Variants in LEKR1 observed in about 807,000 individuals in gnomAD.
LEKR1 encodes protein LEKR1.
LEKR1 carries 59 observed loss-of-function variants against 72.4 expected under a neutral mutation model. That is an observed-to-expected ratio of 0.82 (90% CI 0.66 to 1.01). The LOEUF (loss-of-function observed/expected upper bound fraction) is 1.01, where lower values mean the gene tolerates loss of function less well. Among genes scored for constraint, LEKR1 ranks in the 50% least tolerant of loss-of-function variants. The probability of loss-of-function intolerance (pLI) is 0.00; values close to 1 mark genes in which losing one functional copy is unlikely to be tolerated. For missense variants in LEKR1, 728 were observed against 759.2 expected (o/e 0.96, Z 0.48); for synonymous variants, 257 against 263.2 (o/e 0.98, Z 0.23).
chr3:156,885,466 C>A (rs1330744913), intron 3 of LEKR1, among the ~76,000 whole-genome samples: 1 of 152,202 alleles, frequency 6.6e-6, no homozygotes, highest in African/African-American at 2.4e-5. Context: ...CCTCCTGTCC[C>A]ATGGGATGAT....
chr3:156,978,714 G>A (rs1174463600), intron 6 of LEKR1, among the ~76,000 whole-genome samples: 1 of 152,070 alleles, frequency 6.6e-6, no homozygotes, highest in African/African-American at 2.4e-5. Context: ...CCTTTTAGAT[G>A]CTACCCAGAG....
intron 12 of LEKR1, among the ~76,000 whole-genome samples, chr3:157,031,897 G>C (rs982702505): frequency 6.6e-6 from 1 of 152,144 alleles, no homozygotes; most frequent in African/African-American, 2.4e-5. Context: ...TTCCTAAGTG[G>C]AGCAGGGATT....
chr3:156,978,109 C>T (rs1729862446), intron 6 of LEKR1, among the ~76,000 whole-genome samples: 1 of 152,012 alleles, frequency 6.6e-6, no homozygotes, highest in Admixed American at 6.6e-5. Context: ...AACAAGAAAA[C>T]ATGTAAACTA....
At chr3:156,906,836 G>C (rs1339050280) in intron 3 of LEKR1, among the ~76,000 whole-genome samples, 1 of 152,094 alleles carries the variant, frequency 6.6e-6, no homozygotes, top group Admixed American at 6.6e-5. Flanking sequence ...ACCTTGGAAA[G>C]TGTTTCAATG....
At chr3:156,841,889 G>A (rs62273922) in intron 2 of LEKR1, among the ~76,000 whole-genome samples, 4,839 of 152,160 alleles carry the variant, frequency 0.032, 117 homozygotes, top group Non-Finnish European at 0.047. Flanking sequence ...ACCCCTGGCC[G>A]CTGACTAGTA....
chr3:156,902,412 T>G (rs1576785482), intron 3 of LEKR1, among the ~76,000 whole-genome samples: 1 of 152,126 alleles, frequency 6.6e-6, no homozygotes, highest in East Asian at 1.9e-4. Context: ...AGAAAAATAT[T>G]TAAAAGCTGA....
intron 3 of LEKR1, among the ~76,000 whole-genome samples, chr3:156,915,458 G>T (rs1372851701): frequency 1.3e-5 from 2 of 151,452 alleles, no homozygotes; most frequent in Non-Finnish European, 2.9e-5. Flanking sequence ...ATTCTGACTG[G>T]TGTGAGATGA....
chr3:156,976,971 A>G (rs1383346499), intron 6 of LEKR1, among the ~76,000 whole-genome samples: 1 of 152,186 alleles, frequency 6.6e-6, no homozygotes, highest in Non-Finnish European at 1.5e-5. Flanking sequence ...GGCTTATTGC[A>G]TGGAATACAG....
At chr3:156,845,468 TCTA>T (rs1352676769) in intron 2 of LEKR1, among the ~76,000 whole-genome samples, 1 of 152,066 alleles carries the variant, frequency 6.6e-6, no homozygotes, top group Non-Finnish European at 1.5e-5. Context: ...TCTAATATTT[TCTA>T]CTTTTATATT....
rs751049499 is a variant in LEKR1 at position 156,979,255 on chromosome 3, C to T, written c.807C>T (p.Asp269=). 1.6e-6 allele frequency: 2 copies of T among 1,283,896 alleles called. No individual in the cohort carries two copies. The highest frequency in any genetic ancestry group is 2.5e-5 in the South Asian group (2 of 80,892). 79.5% of individuals were successfully genotyped at this position (1,283,896 alleles called of 1,614,324 possible). Residue 269 remains aspartate (D), a synonymous_variant, in exon 7 of 13, where the codon GAC becomes GAT. Transcript: ENST00000356539. ...TTCAGAAGGCGGTGACAGAGATGGACAACTATAAAGAAATGCTTATGTAAG... is the reference window on the plus strand; with the variant it reads ...TTCAGAAGGCGGTGACAGAGATGGATAACTATAAAGAAATGCTTATGTAAG... ...LKLQKAVTEM[D]NYKEMLMNKS...
chr3:156,850,225 T>A (rs1715184786), intron 2 of LEKR1, among the ~76,000 whole-genome samples: 3 of 151,556 alleles, frequency 2.0e-5, no homozygotes, highest in Admixed American at 2.0e-4. Context: ...TATATGTGAG[T>A]CTAAGATAAT....
intron 3 of LEKR1, among the ~76,000 whole-genome samples, chr3:156,883,654 GT>G (rs1338506888): frequency 1.5e-4 from 23 of 152,174 alleles, no homozygotes; most frequent in Admixed American, 1.5e-3. Context: ...AGATCTGATA[GT>G]TTTATAAGGG....
intron 7 of LEKR1, among the ~76,000 whole-genome samples, chr3:156,986,609 G>A (rs1730710405): frequency 6.6e-6 from 1 of 152,164 alleles, no homozygotes; most frequent in African/African-American, 2.4e-5. Context: ...GCAGCAAAGT[G>A]CAGTGACTGA....
At chr3:156,922,782 A>C (rs1262108166) in intron 4 of LEKR1, among the ~76,000 whole-genome samples, 1 of 152,198 alleles carries the variant, frequency 6.6e-6, no homozygotes, top group Non-Finnish European at 1.5e-5. Flanking sequence ...ACCTGAATGA[A>C]ATATAGATAT....
At chr3:157,033,658 G>A (rs1045527166) in intron 12 of LEKR1, among the ~76,000 whole-genome samples, 3 of 152,158 alleles carry the variant, frequency 2.0e-5, no homozygotes, top group Non-Finnish European at 4.4e-5. Context: ...TGCTCATGTC[G>A]AAGCTGTGGT....
chr3:156,914,360 G>A (rs1231871537), intron 3 of LEKR1, among the ~76,000 whole-genome samples: 4 of 151,910 alleles, frequency 2.6e-5, no homozygotes, highest in East Asian at 1.9e-4. Context: ...TCCCCTCCCC[G>A]TGTCCATGTA....
chr3:156,942,899 C>T (rs1726352675), intron 6 of LEKR1, 185 bp downstream of exon 6: 14 of 295,460 alleles, frequency 4.7e-5, no homozygotes, highest in South Asian at 3.9e-4. Context: ...TCATCATTTC[C>T]AGTTTTGCCA....
chr3:156,853,745 G>A (rs1715680607), intron 3 of LEKR1, among the ~76,000 whole-genome samples: 1 of 151,946 alleles, frequency 6.6e-6, no homozygotes, highest in Non-Finnish European at 1.5e-5. Flanking sequence ...TTAAATGCCA[G>A]TTGAGCCAGA....
At chr3:157,009,299 T>G (rs1022616604) in intron 9 of LEKR1, among the ~76,000 whole-genome samples, 4 of 152,164 alleles carry the variant, frequency 2.6e-5, no homozygotes, top group African/African-American at 9.6e-5. Context: ...GTATTTTAGA[T>G]ATTTTGTACT....
Sources: gnomAD v4.1 joint callset for allele counts (sites outside exome capture counted in the v4.1 genomes callset) on GRCh38, gnomAD v4.1.1 for gene constraint, MANE v1.5 for transcripts, NCBI Gene and HGNC (gene_info 2026-07-23, HGNC 2026-07-21) for gene names.